MMRN2: variants seen among roughly 807,000 people sequenced by gnomAD.
MMRN2 encodes multimerin 2, also known as multimerin-2.
Under a neutral mutation model 68.8 loss-of-function variants are expected in MMRN2, and 53 were observed. The ratio of observed to expected loss-of-function variants is 0.77; its 90% CI spans 0.62 to 0.97. MMRN2 has a LOEUF of 0.97. MMRN2 is among the 50% of genes least tolerant of loss of function. The pLI, the probability that MMRN2 is intolerant of heterozygous loss-of-function variation, is 0.00. For synonymous variants in MMRN2, 564 were observed against 551.6 expected (o/e 1.02, Z -0.32); for missense variants, 1,266 against 1,259.5 (o/e 1.01, Z -0.08).
At chr10:86,945,043 G>GA in intron 4 of MMRN2, 145 bp downstream of exon 4, 1 of 680,292 alleles carries the variant, frequency 1.5e-6, no homozygotes, top group East Asian at 2.7e-5. Flanking sequence ...CAAGGTGGGA[G>GA]GTGGTACAGG....
chr10:86,954,463 TG>T (rs1200236003), intron 1 of MMRN2, among the ~76,000 whole-genome samples: 1 of 151,958 alleles, frequency 6.6e-6, no homozygotes, highest in South Asian at 2.1e-4. Flanking sequence ...AGAGCTGGTG[TG>T]GGGGGAAGGG....
rs1181526220 is a variant in MMRN2 at position 86,944,215 on chromosome 10, C to T, written c.655+47G>A. 5 of 1,591,752 alleles carry T rather than the reference C, an allele frequency of 3.1e-6. No individual in the cohort carries two copies. In the Admixed American group the frequency reaches 8.6e-5, roughly 27 times the overall value. ...ACCAGCGGGGTCCTCCCCTCCTCCC[C>T]TCAATGTGACCAGGCTCTTCCTCAG... On this transcript the variant is annotated intron_variant, in intron 5 of 6. Transcript: ENST00000372027.
chr10:86,937,342 T>G (rs1278890955), intron 6 of MMRN2, among the ~76,000 whole-genome samples: 5 of 152,204 alleles, frequency 3.3e-5, no homozygotes, highest in Admixed American at 2.0e-4. Flanking sequence ...TGCAAGTCTG[T>G]TGTCTGAGCT....
In MMRN2 at chr10:86,944,117, T is replaced by C. The variant is rs766059395; in HGVS notation, c.667A>G (p.Arg223Gly). The C allele has an allele frequency of 6.2e-7, 1 of 1,613,690 alleles. No individual in the cohort carries two copies. Among genetic ancestry groups the C allele is most frequent in the Non-Finnish European group, 8.5e-7 (1 of 1,179,768 alleles). ...GGTAGCAGCACCTGCTCCAAGGATCTATCAGGGAACTCTGCAACAGACATG... is the reference window on the plus strand; with the variant it reads ...GGTAGCAGCACCTGCTCCAAGGATCCATCAGGGAACTCTGCAACAGACATG... Reference protein sequence around the residue: ...ANQTGHEFPDRSLEQVLLPHV... With the variant: ...ANQTGHEFPDGSLEQVLLPHV... Residue 223 changes from arginine to glycine, a missense_variant, in exon 6 of 7, where the codon AGA becomes GGA. By Grantham distance (125) the Arg-to-Gly change is moderately radical (BLOSUM62 -2). Transcript: ENST00000372027.
In MMRN2 at chr10:86,942,664, T is replaced by C; in HGVS notation, c.2120A>G (p.Asp707Gly). The C allele has an allele frequency of 1.3e-6, 2 of 1,594,776 alleles. No homozygotes were observed. Among genetic ancestry groups the C allele is most frequent in the Non-Finnish European group, 8.5e-7 (1 of 1,177,484 alleles). Residue 707 changes from aspartate to glycine, a missense_variant, in exon 6 of 7, where the codon GAC becomes GGC. Coordinates refer to ENST00000372027, the MANE Select transcript of MMRN2 (RefSeq NM_024756.3). ...LARELQSLSN[D>G]VKNVGRCCEA... The stretch of plus-strand genomic sequence containing the variant: ...GCAGCACCGCCCGACATTCTTGACG[T>C]CGTTGCTCAGGCTCTGGAGCTCCCG...
rs577612993 is a variant in MMRN2 at position 86,936,211 on chromosome 10, C to T, written c.*532G>A. On this transcript the variant is annotated 3_prime_UTR_variant, in exon 7 of 7. Coordinates refer to ENST00000372027, the MANE Select transcript of MMRN2 (RefSeq NM_024756.3). ...CCTTTCCCTTGGTTGGCCAGGCTGT[C>T]GTCTTCATTACTGACTAATAGAGAC... 5 of 395,456 alleles carry T rather than the reference C, an allele frequency of 1.3e-5. No individual in the cohort carries two copies. The highest frequency in any genetic ancestry group is 2.1e-5 in the African/African-American group (1 of 48,688). The allele number at this position is 395,456 out of a possible 1,614,324, so 24.5% of individuals were successfully genotyped here. A position where few individuals can be genotyped will look rare whatever the true frequency, so the allele number is the denominator to read the frequency against.
Position 86,945,087 on chromosome 10 carries a change from G to A in MMRN2, c.481+101C>T, listed in dbSNP as rs550803032. On this transcript the variant is annotated intron_variant, in intron 4 of 6. Coordinates refer to ENST00000372027, the MANE Select transcript of MMRN2 (RefSeq NM_024756.3). ...CAGGCCTTGCTGATTCTGGAGGCAA[G>A]GTTTCCCTGAAATGGCACTGCTGTA... 255 of 1,036,612 alleles carry A rather than the reference G, an allele frequency of 2.5e-4. 1 individual carries two copies. The East Asian group carries it at 6.0e-3, about 25-fold the overall frequency. 64.2% of individuals were successfully genotyped at this position (1,036,612 alleles called of 1,614,324 possible). A position where few individuals can be genotyped will look rare whatever the true frequency, so the allele number is the denominator to read the frequency against.
In MMRN2 at chr10:86,943,158, G is replaced by C; in HGVS notation, c.1626C>G (p.Ala542=). Residue 542 remains alanine, a synonymous_variant, in exon 6 of 7, where the codon GCC becomes GCG. Coordinates refer to ENST00000372027, the MANE Select transcript of MMRN2 (RefSeq NM_024756.3). The surrounding 1 kb of genome is among the most constrained non-coding windows in gnomAD (Gnocchi z 4.2). ...TGTGCGCGTCCACGGCCAGCGACAC[G>C]GCGTCCACGGCGTTCTGCAGGGCCT... The part of the protein sequence containing the change: ...SLQALQNAVD[A]VSLAVDAHKA... 1 of 1,600,530 alleles carries C rather than the reference G, an allele frequency of 6.2e-7. No homozygotes were observed.
chr10:86,937,274 T>C (rs374142950), intron 6 of MMRN2, 149 bp from the exon 7 acceptor site: 3 of 879,830 alleles, frequency 3.4e-6, no homozygotes, highest in Middle Eastern at 3.5e-4. Flanking sequence ...AGCAGTGTTA[T>C]TGCAGGAGAA....
intron 1 of MMRN2, among the ~76,000 whole-genome samples, chr10:86,954,513 G>A (rs995169629): frequency 6.6e-6 from 1 of 152,176 alleles, no homozygotes; most frequent in Non-Finnish European, 1.5e-5. Flanking sequence ...CATCCATTAT[G>A]CAGATTGTGT....
Position 86,957,607 on chromosome 10 carries a change from CGTT to C in MMRN2, c.-69_-67del. On this transcript the variant is annotated 5_prime_UTR_variant, in exon 1 of 7. Transcript: ENST00000372027. ...AAGTAGCTCCAGAAACTGCTAGTGA[CGTT>C]GTCTTCAAGTTAAATCTCAGGAGGA... 2.6e-6 allele frequency: 4 copies of C among 1,511,178 alleles called. No homozygotes were observed. In the South Asian group the frequency reaches 3.8e-5, roughly 14 times the overall value. The allele number at this position is 1,511,178 out of a possible 1,614,324, so 93.6% of individuals were successfully genotyped here. A position where few individuals can be genotyped will look rare whatever the true frequency, so the allele number is the denominator to read the frequency against.
At chr10:86,949,511 C>T (rs1445885293) in intron 1 of MMRN2, 2 of 149,562 alleles carry the variant, frequency 1.3e-5, no homozygotes, top group African/African-American at 4.9e-5. Flanking sequence ...AGCCTGGAGA[C>T]ATAGTGAGAC....
At position 86,942,780 on chromosome 10, in the gene MMRN2, G is replaced by A. The variant is rs1343958319; in HGVS notation, c.2004C>T (p.Ala668=). 2 of 1,371,334 alleles carry A rather than the reference G, an allele frequency of 1.5e-6. No homozygotes were observed. Among genetic ancestry groups the A allele is most frequent in the Non-Finnish European group, 1.9e-6 (2 of 1,067,802 alleles). The allele number at this position is 1,371,334 out of a possible 1,614,324, so 84.9% of individuals were successfully genotyped here. ...GCTCTGCCGGCCGCGGGGGCTCCGA[G>A]GCCTGCTCCAGGGCCGTCACTCGGG... The part of the protein sequence containing the change: ...LAARVTALEQ[A]SEPPRPAEHL... The change falls in exon 6 of 7, where the codon GCC becomes GCT. Residue 668 remains alanine, a synonymous_variant. Transcript: ENST00000372027.
chr10:86,954,279 A>G (rs536091678), intron 1 of MMRN2: 128 of 152,438 alleles, frequency 8.4e-4, no homozygotes, highest in African/African-American at 3.0e-3. Flanking sequence ...TGTGGCCCCA[A>G]CCTGCTGCTC....
intron 6 of MMRN2, among the ~76,000 whole-genome samples, chr10:86,939,461 C>CAAAAAA (rs34692290): frequency 9.4e-5 from 7 of 74,574 alleles, no homozygotes; most frequent in Admixed American, 1.6e-4. Context: ...GACTCCGTCT[C>CAAAAAA]AAAAAAAAAA....
intron 1 of MMRN2, chr10:86,949,874 T>TTAA (rs1844122767): frequency 1.7e-5 from 2 of 116,490 alleles, no homozygotes; most frequent in Non-Finnish European, 1.7e-5. Context: ...AGACTCCGTC[T>TTAA]CAATAATAAT....
Position 86,935,582 on chromosome 10 carries a change from G to A in MMRN2, c.*1161C>T, listed in dbSNP as rs1447770121. 1.3e-5 allele frequency: 2 copies of A among 152,078 alleles called. No individual in the cohort carries two copies. Among genetic ancestry groups the A allele is most frequent in the Non-Finnish European group, 2.9e-5 (2 of 68,024 alleles). 9.4% of individuals were successfully genotyped at this position (152,078 alleles called of 1,614,324 possible). A position where few individuals can be genotyped will look rare whatever the true frequency, so the allele number is the denominator to read the frequency against. On this transcript the variant is annotated 3_prime_UTR_variant, in exon 7 of 7. Transcript: ENST00000372027. ...TATTCCAAAGTTGATCATTAGTGAG[G>A]GGGATTTTTACAGTCTTCTTTCCCT...
At chr10:86,956,143 C>T (rs1223668757) in intron 1 of MMRN2, among the ~76,000 whole-genome samples, 3 of 151,326 alleles carry the variant, frequency 2.0e-5, no homozygotes, top group Non-Finnish European at 3.0e-5. Flanking sequence ...GCCCCTCCCC[C>T]GCCCCCTGCT....
Position 86,942,502 on chromosome 10 carries a change from A to G in MMRN2, c.2282T>C (p.Leu761Pro). The G allele has an allele frequency of 6.2e-7, 1 of 1,613,922 alleles. No homozygotes were observed. Reference protein sequence around the residue: ...FHSLFGNFQGLMEANVSLDLG... With the variant: ...FHSLFGNFQGPMEANVSLDLG... ...GTCCAGGCTGACGTTGGCTTCCATG[A>G]GCCCTTGGAAGTTCCCAAAGAGGCT... The change falls in exon 6 of 7, where the codon CTC becomes CCC. Residue 761 changes from leucine to proline, a missense_variant. Coordinates refer to ENST00000372027, the MANE Select transcript of MMRN2 (RefSeq NM_024756.3).
Sources: allele counts gnomAD v4.1 joint callset (sites outside exome capture counted in the v4.1 genomes callset), GRCh38; gene constraint gnomAD v4.1.1; non-coding constraint Gnocchi (gnomAD v3.1); transcripts MANE v1.5; gene names NCBI Gene and HGNC (gene_info 2026-07-23, HGNC 2026-07-21).